Variants in PDGFC observed in about 807,000 individuals in gnomAD.
PDGFC encodes the protein platelet derived growth factor C, also known as platelet-derived growth factor C.
In PDGFC, 12 loss-of-function variants were observed where a neutral mutation model predicts 35.5. That is an observed-to-expected ratio of 0.34 (90% CI 0.22 to 0.55). The LOEUF (loss-of-function observed/expected upper bound fraction) is 0.55, where lower values mean the gene tolerates loss of function less well. PDGFC is among the 20% of genes least tolerant of loss of function. PDGFC has a pLI of 0.91. For missense variants in PDGFC, 322 were observed against 412.4 expected (o/e 0.78, Z 1.90); for synonymous variants, 159 against 148.8 (o/e 1.07, Z -0.50).
chr4:156,854,557 T>C (rs796922369), intron 1 of PDGFC, among the ~76,000 whole-genome samples: 3 of 152,148 alleles, frequency 2.0e-5, no homozygotes, highest in African/African-American at 4.8e-5. Flanking sequence ...CAAACACTTA[T>C]GATTTGCAGA....
At chr4:156,858,583 T>C (rs756163587) in intron 1 of PDGFC, among the ~76,000 whole-genome samples, 1 of 152,100 alleles carries the variant, frequency 6.6e-6, no homozygotes, top group Non-Finnish European at 1.5e-5. Flanking sequence ...TTAGGAGTAA[T>C]TCATATTACA....
chr4:156,828,403 C>A (rs1458091342), intron 2 of PDGFC, among the ~76,000 whole-genome samples: 2 of 152,092 alleles, frequency 1.3e-5, no homozygotes, highest in African/African-American at 4.8e-5. Flanking sequence ...GCATCAAGAC[C>A]GTGCTTAATA....
At chr4:156,932,944 CAA>C (rs1731588249) in intron 1 of PDGFC, among the ~76,000 whole-genome samples, 1 of 150,886 alleles carries the variant, frequency 6.6e-6, no homozygotes, top group African/African-American at 2.4e-5. Flanking sequence ...CACACACACA[CAA>C]AGAGTGAAGT....
chr4:156,782,329 C>CA (rs1731003765), intron 3 of PDGFC, among the ~76,000 whole-genome samples: 1 of 152,070 alleles, frequency 6.6e-6, no homozygotes, highest in African/African-American at 2.4e-5. Context: ...ATGAAACCAA[C>CA]AAAAAATCCT....
In PDGFC at chr4:156,840,711, A is replaced by G. The variant is rs371676986; in HGVS notation, c.314+9510T>C. ...CAATGCTAGCCTTTGAGAGCAGCTG[A>G]GAGTGGGGCTGTACCCTGCAAAGCC... On this transcript the variant is annotated intron_variant, in intron 2 of 5. Transcript: ENST00000502773. Among the ~76,000 whole-genome samples, 289 of 152,260 alleles carry G rather than the reference A, an allele frequency of 1.9e-3. 5 individuals carry two copies. The South Asian group carries it at 0.025, about 13-fold the overall frequency.
At chr4:156,913,596 C>T (rs62331510) in intron 1 of PDGFC, among the ~76,000 whole-genome samples, 3 of 152,154 alleles carry the variant, frequency 2.0e-5, no homozygotes, top group African/African-American at 4.8e-5. Context: ...CTTGAGGCTT[C>T]GCGCCAAATC....
At chr4:156,948,432 A>G (rs1301074290) in intron 1 of PDGFC, among the ~76,000 whole-genome samples, 1 of 151,936 alleles carries the variant, frequency 6.6e-6, no homozygotes, top group Non-Finnish European at 1.5e-5. Context: ...TAAAATTAAG[A>G]GCCAATTTTA....
intron 1 of PDGFC, among the ~76,000 whole-genome samples, chr4:156,865,763 C>T (rs781325006): frequency 6.7e-4 from 102 of 152,336 alleles, no homozygotes; most frequent in African/African-American, 2.3e-3. Context: ...TCTCTGGCAA[C>T]AGTAAACAGT....
chr4:156,907,262 T>A (rs956571042), intron 1 of PDGFC, among the ~76,000 whole-genome samples: 11 of 152,204 alleles, frequency 7.2e-5, no homozygotes, highest in Admixed American at 1.3e-4. Context: ...ACTGTTTTTA[T>A]ACATGTTGAT....
chr4:156,939,832 T>G (rs968214780), intron 1 of PDGFC, among the ~76,000 whole-genome samples: 2 of 152,022 alleles, frequency 1.3e-5, no homozygotes, highest in Non-Finnish European at 2.9e-5. Context: ...GTTGACAGAA[T>G]GCAACATAAA....
chr4:156,941,070 T>C (rs1182219080), intron 1 of PDGFC, among the ~76,000 whole-genome samples: 1 of 152,126 alleles, frequency 6.6e-6, no homozygotes, highest in African/African-American at 2.4e-5. Context: ...TCTTCACAGG[T>C]GTAAGAGACT....
chr4:156,831,644 A>C (rs1728936358), intron 2 of PDGFC, among the ~76,000 whole-genome samples: 1 of 151,600 alleles, frequency 6.6e-6, no homozygotes, highest in African/African-American at 2.4e-5. Flanking sequence ...GGGTTTCTTC[A>C]TGTTGGCCAG....
chr4:156,907,410 A>G (rs1730939626), intron 1 of PDGFC, among the ~76,000 whole-genome samples: 1 of 152,054 alleles, frequency 6.6e-6, no homozygotes, highest in South Asian at 2.1e-4. Flanking sequence ...CAAAGAGTTT[A>G]CTTTAGCAAT....
At chr4:156,892,326 C>T (rs1730533800) in intron 1 of PDGFC, among the ~76,000 whole-genome samples, 1 of 152,156 alleles carries the variant, frequency 6.6e-6, no homozygotes, top group African/African-American at 2.4e-5. Context: ...CTTCTCTACT[C>T]AGCTTGGAAA....
chr4:156,871,084 G>C (rs1234111946), intron 1 of PDGFC, among the ~76,000 whole-genome samples: 1 of 152,038 alleles, frequency 6.6e-6, no homozygotes, highest in Non-Finnish European at 1.5e-5. Flanking sequence ...AATGTGAAAA[G>C]GAAAAGGCTA....
chr4:156,965,611 C>T lies in PDGFC; in HGVS notation c.118+5175G>A, dbSNP rs189297945. Among the ~76,000 whole-genome samples, 326 of 152,048 alleles carry T rather than the reference C, an allele frequency of 2.1e-3. 6 individuals are homozygous for T. The highest frequency in any genetic ancestry group is 0.019 in the Admixed American group (293 of 15,262). Reference sequence around the variant, plus strand: ...TGCAAGAGCAGCTGGTTAGTGTTAGCCAGAGAGGCAGGGGCAAATGACTGG... The same window carrying T: ...TGCAAGAGCAGCTGGTTAGTGTTAGTCAGAGAGGCAGGGGCAAATGACTGG... On this transcript the variant is annotated intron_variant, in intron 1 of 5. Coordinates refer to ENST00000502773, the MANE Select transcript of PDGFC (RefSeq NM_016205.3).
intron 2 of PDGFC, among the ~76,000 whole-genome samples, chr4:156,812,942 A>G (rs1731978374): frequency 1.3e-5 from 2 of 152,082 alleles, no homozygotes; most frequent in Non-Finnish European, 2.9e-5. Context: ...ACAAAGACAA[A>G]GAGGAGATAT....
chr4:156,932,965 G>C (rs1286867902), intron 1 of PDGFC, among the ~76,000 whole-genome samples: 1 of 151,768 alleles, frequency 6.6e-6, no homozygotes, highest in Non-Finnish European at 1.5e-5. Flanking sequence ...GTAAACAAAA[G>C]TATGGGATGA....
At chr4:156,897,627 C>T (rs1198552290) in intron 1 of PDGFC, among the ~76,000 whole-genome samples, 1 of 151,862 alleles carries the variant, frequency 6.6e-6, no homozygotes, top group Non-Finnish European at 1.5e-5. Flanking sequence ...AATGTTAAAC[C>T]TACATAGACT....
Sources: allele counts gnomAD v4.1 joint callset (sites outside exome capture counted in the v4.1 genomes callset), GRCh38; gene constraint gnomAD v4.1.1; transcripts MANE v1.5; gene names NCBI Gene and HGNC (gene_info 2026-07-23, HGNC 2026-07-21).